The following CYSLTR2 variants were observed in gnomAD, a reference collection of about 807,000 sequenced individuals.
CYSLTR2 encodes the protein G-protein coupled receptor GPCR21.
For missense variants in CYSLTR2, 398 were observed against 411.9 expected, an observed-to-expected ratio of 0.97 and a Z score of 0.29; for synonymous variants, 179 against 160.8, an observed-to-expected ratio of 1.11 and a Z score of -0.86.
chr13:48,681,735 G>A (rs1349535006), intron 1 of CYSLTR2, among the ~76,000 whole-genome samples: 1 of 152,196 alleles, frequency 6.6e-6, no homozygotes. Flanking sequence ...TCCCAGCAAG[G>A]GAGGAGTCCA....
At chr13:48,679,605 CAAGT>C (rs1953695245) in intron 1 of CYSLTR2, among the ~76,000 whole-genome samples, 1 of 152,152 alleles carries the variant, frequency 6.6e-6, no homozygotes, top group Non-Finnish European at 1.5e-5. Context: ...GAGCTGTTAT[CAAGT>C]AAGAGTAGCA....
intron 4 of CYSLTR2, among the ~76,000 whole-genome samples, chr13:48,702,285 G>T (rs1356988091): frequency 6.6e-6 from 1 of 150,852 alleles, no homozygotes; most frequent in Non-Finnish European, 1.5e-5. Context: ...GGGAGGGATA[G>T]CATTAGGAGA....
rs564620110 is a variant in CYSLTR2 at position 48,704,651 on chromosome 13, T to G, written c.-1-2166T>G. ...ATCTCACAAATTTATATTTTCACTT[T>G]TATTCAGTTTAATATATTTTTTGTT... On this transcript the variant is annotated intron_variant, in intron 4 of 4. Coordinates refer to ENST00000682523, the MANE Select transcript of CYSLTR2 (RefSeq NM_001308476.3). Among the ~76,000 whole-genome samples, 33 of 152,282 alleles carry G rather than the reference T, an allele frequency of 2.2e-4. No homozygotes were observed. In the South Asian group the frequency reaches 6.8e-3, roughly 32 times the overall value.
chr13:48,658,777 C>G (rs1011137716), intron 1 of CYSLTR2, among the ~76,000 whole-genome samples: 3 of 152,070 alleles, frequency 2.0e-5, no homozygotes, highest in Admixed American at 2.0e-4. Context: ...CTTCATGAGA[C>G]TGAGTGTCCT....
chr13:48,686,454 G>C (rs1283277650), intron 1 of CYSLTR2, among the ~76,000 whole-genome samples: 1 of 152,136 alleles, frequency 6.6e-6, no homozygotes, highest in Admixed American at 6.6e-5. Context: ...GTAATTTGAG[G>C]ATAAGATTCC....
chr13:48,673,584 A>T (rs375324962), intron 1 of CYSLTR2, among the ~76,000 whole-genome samples: 7 of 151,908 alleles, frequency 4.6e-5, no homozygotes, highest in African/African-American at 1.7e-4. Flanking sequence ...CCAATTTGCC[A>T]GTCTTTGTCT....
chr13:48,696,246 T>C (rs914618975), intron 3 of CYSLTR2, among the ~76,000 whole-genome samples: 2 of 152,248 alleles, frequency 1.3e-5, no homozygotes, highest in Non-Finnish European at 2.9e-5. Context: ...GTTTTTCATT[T>C]GTTTGCTTGT....
rs932728825 is a variant in CYSLTR2 at position 48,709,186 on chromosome 13, G to A, written c.*1328G>A. The A allele has an allele frequency of 6.0e-6, 1 of 167,070 alleles. No homozygotes were observed. Among genetic ancestry groups the A allele is most frequent in the Non-Finnish European group, 1.5e-5 (1 of 68,122 alleles). The allele number at this position is 167,070 out of a possible 1,614,324, so 10.3% of individuals were successfully genotyped here. A position where few individuals can be genotyped will look rare whatever the true frequency, so the allele number is the denominator to read the frequency against. ...CACTACCCTTGTAAACTTCCAGGAA[G>A]ATTGGTTGAAAGTCTGAATAAAAGC... On this transcript the variant is annotated 3_prime_UTR_variant, in exon 5 of 5. Transcript: ENST00000682523.
chr13:48,673,601 T>C (rs939574383), intron 1 of CYSLTR2, among the ~76,000 whole-genome samples: 7 of 152,266 alleles, frequency 4.6e-5, no homozygotes, highest in Admixed American at 4.6e-4. Context: ...GTCTTTTAAT[T>C]GGGGCATTTA....
At chr13:48,688,159 A>T (rs1953944088) in intron 1 of CYSLTR2, among the ~76,000 whole-genome samples, 1 of 152,200 alleles carries the variant, frequency 6.6e-6, no homozygotes, top group African/African-American at 2.4e-5. Context: ...CATGGCTAAC[A>T]GTAGCCTCAA....
At chr13:48,654,292 T>A (rs59631590) in intron 1 of CYSLTR2, among the ~76,000 whole-genome samples, 14,584 of 97,650 alleles carry the variant, frequency 0.15, 863 homozygotes, top group African/African-American at 0.29. Flanking sequence ...TGTGTGTGTG[T>A]GTGTGTGTGT....
intron 1 of CYSLTR2, among the ~76,000 whole-genome samples, chr13:48,658,649 G>A (rs1953055666): frequency 6.6e-6 from 1 of 152,176 alleles, no homozygotes; most frequent in African/African-American, 2.4e-5. Flanking sequence ...GACTTTTTCT[G>A]AAGAAAGTGA....
At position 48,707,663 on chromosome 13, in the gene CYSLTR2, A is replaced by G. The variant is rs1954539891; in HGVS notation, c.846A>G (p.Arg282=). 1 of 1,614,158 alleles carries G rather than the reference A, an allele frequency of 6.2e-7. No individual in the cohort carries two copies. The highest frequency in any genetic ancestry group is 8.5e-7 in the Non-Finnish European group (1 of 1,180,028). The change falls in exon 5 of 5, where the codon AGA becomes AGG. Residue 282 remains arginine (R), a synonymous_variant. Transcript: ENST00000682523. ...GGAAAGTGGGTTTATGCAAAGACAG[A>G]CTGCATAAAGCTTTGGTTATCACAC... The part of the protein sequence containing the change: ...TTWKVGLCKD[R]LHKALVITLA...
chr13:48,688,884 A>G (rs1449405000), intron 1 of CYSLTR2, among the ~76,000 whole-genome samples: 1 of 152,246 alleles, frequency 6.6e-6, no homozygotes, highest in Non-Finnish European at 1.5e-5. Flanking sequence ...ACAGTGTAAA[A>G]GCATTCCTAT....
chr13:48,672,597 G>GTTCTTTTCT (rs1231729098), intron 1 of CYSLTR2, among the ~76,000 whole-genome samples: 5 of 133,830 alleles, frequency 3.7e-5, no homozygotes, highest in South Asian at 5.0e-4. Flanking sequence ...TTTTGAGTGA[G>GTTCTTTTCT]TTTCTTTTCT....
rs1269186245 is a variant in CYSLTR2 at position 48,658,320 on chromosome 13, T to G, written c.-266+4303T>G. Among the ~76,000 whole-genome samples the G allele has an allele frequency of 2.0e-5, 3 of 152,224 alleles. No individual in the cohort carries two copies. In the East Asian group the frequency reaches 5.8e-4, roughly 29 times the overall value. The stretch of plus-strand genomic sequence containing the variant: ...TTTGAATTTCAGGAAAAGAAAATTT[T>G]CAAGGAAAAACACATTAACATCATT... On this transcript the variant is annotated intron_variant, in intron 1 of 4. Transcript: ENST00000682523.
At chr13:48,656,280 A>G (rs1233078793) in intron 1 of CYSLTR2, among the ~76,000 whole-genome samples, 1 of 152,196 alleles carries the variant, frequency 6.6e-6, no homozygotes, top group Non-Finnish European at 1.5e-5. Context: ...TCACTTGACC[A>G]TAAAGAAGGC....
chr13:48,677,731 C>A (rs1031345997), intron 1 of CYSLTR2, among the ~76,000 whole-genome samples: 1 of 152,156 alleles, frequency 6.6e-6, no homozygotes, highest in African/African-American at 2.4e-5. Flanking sequence ...AGCTGCAGAA[C>A]TCAAAAGCAT....
At chr13:48,674,481 T>C (rs1230412396) in intron 1 of CYSLTR2, among the ~76,000 whole-genome samples, 1 of 152,246 alleles carries the variant, frequency 6.6e-6, no homozygotes, top group East Asian at 1.9e-4. Flanking sequence ...AGGTCTTTTA[T>C]GTTCTGCTCT....
Sources: allele counts gnomAD v4.1 joint callset (sites outside exome capture counted in the v4.1 genomes callset), GRCh38; gene constraint gnomAD v4.1.1; transcripts MANE v1.5; gene names NCBI Gene and HGNC (gene_info 2026-07-23, HGNC 2026-07-21).